TAF4: variants seen among roughly 807,000 people sequenced by gnomAD.
TAF4 encodes TATA-box binding protein associated factor 4.
TAF4 carries 9 observed loss-of-function variants against 90.3 expected under a neutral mutation model. That is an observed-to-expected ratio of 0.10 (90% confidence interval 0.06 to 0.17). The LOEUF is 0.17. Among genes scored for constraint, TAF4 ranks in the 10% least tolerant of loss-of-function variants. The pLI is 1.00. For synonymous variants in TAF4, 818 were observed against 638.9 expected (o/e 1.28, Z -4.23); for missense variants, 1,351 against 1,370.7 (o/e 0.99, Z 0.23).
At chr20:61,996,380 G>A (rs566337234) in intron 14 of TAF4, among the ~76,000 whole-genome samples, 5 of 151,136 alleles carry the variant, frequency 3.3e-5, no homozygotes, top group East Asian at 1.9e-4. Flanking sequence ...GAGACCCTGC[G>A]TCTAAAAAAA....
intron 4 of TAF4, among the ~76,000 whole-genome samples, chr20:62,009,745 C>A (rs576799797): frequency 2.6e-4 from 39 of 152,340 alleles, no homozygotes; most frequent in African/African-American, 8.7e-4. Context: ...CGAGTGTGTA[C>A]AAACGGGTGG....
intron 4 of TAF4, among the ~76,000 whole-genome samples, 175 bp downstream of exon 4, chr20:62,009,871 A>G (rs1298301951): frequency 6.6e-6 from 1 of 152,120 alleles, no homozygotes; most frequent in African/African-American, 2.4e-5. Context: ...CCCACCTCAC[A>G]CAGCACAGCA....
Position 62,065,172 on chromosome 20 carries a change from A to G in TAF4, c.639T>C (p.Pro213=). 4 of 1,207,228 alleles carry G rather than the reference A, an allele frequency of 3.3e-6. No homozygotes were observed. The highest frequency in any genetic ancestry group is 4.2e-6 in the Non-Finnish European group (4 of 949,190). 74.8% of individuals were successfully genotyped at this position (1,207,228 alleles called of 1,614,324 possible). A position where few individuals can be genotyped will look rare whatever the true frequency, so the allele number is the denominator to read the frequency against. The change falls in exon 1 of 15, where the codon CCT becomes CCC. Residue 213 remains proline, a synonymous_variant. Transcript: ENST00000252996. ...ALLNSHHAAA[P]AVSLVNNGPA... ...GCCCGTTGTTGACCAGGCTGACAGC[A>G]GGTGCGGCGGCGTGGTGCGAGTTCA...
intron 1 of TAF4, among the ~76,000 whole-genome samples, chr20:62,046,069 C>T (rs1479463134): frequency 6.6e-6 from 1 of 152,192 alleles, no homozygotes; most frequent in African/African-American, 2.4e-5. Context: ...CTCTGCGGTG[C>T]CCCCGTGCAG....
intron 1 of TAF4, 98 bp downstream of exon 1, chr20:62,064,353 C>T (rs2056108768): frequency 6.5e-6 from 8 of 1,240,020 alleles, no homozygotes; most frequent in South Asian, 5.5e-5. Context: ...GCCTACGGGA[C>T]AGATGACCTT....
chr20:62,023,908 TC>T (rs2055859777), intron 1 of TAF4, among the ~76,000 whole-genome samples: 1 of 151,574 alleles, frequency 6.6e-6, no homozygotes, highest in Non-Finnish European at 1.5e-5. Context: ...CATGGTGAAG[TC>T]CCATCTCTAC....
At chr20:62,040,036 G>A (rs1002980329) in intron 1 of TAF4, among the ~76,000 whole-genome samples, 1 of 152,170 alleles carries the variant, frequency 6.6e-6, no homozygotes, top group Non-Finnish European at 1.5e-5. Context: ...CTGCTGGTGA[G>A]ACACAATGCA....
At chr20:62,039,400 T>C (rs4925218) in intron 1 of TAF4, among the ~76,000 whole-genome samples, 151,329 of 152,348 alleles carry the variant, frequency 0.99, 75,165 homozygotes, top group East Asian at 1. Context: ...ACAGAAAAAA[T>C]GAGTCTCAAC....
Position 62,064,651 on chromosome 20 carries a change from G to A in TAF4, c.1160C>T (p.Ala387Val), listed in dbSNP as rs776282935. The A allele has an allele frequency of 3.0e-6, 4 of 1,316,574 alleles. No homozygotes were observed. The highest frequency in any genetic ancestry group is 3.8e-6 in the Non-Finnish European group (4 of 1,039,908). The allele number at this position is 1,316,574 out of a possible 1,614,324, so 81.6% of individuals were successfully genotyped here. A position where few individuals can be genotyped will look rare whatever the true frequency, so the allele number is the denominator to read the frequency against. ...PTMQGALPSP[A>V]AVPPPAPGTP... ...CCCGGGGGCGGGCGGCGGGACGGCG[G>A]CCGGGCTGGGCAGCGCCCCTTGCAT... The change falls in exon 1 of 15, where the codon GCC becomes GTC. Residue 387 changes from alanine to valine, a missense_variant. Around this residue, in one of 9 missense-constraint regions of TAF4, gnomAD observed 782 missense variants for 536.6 expected, o/e 1.46. Coordinates refer to ENST00000252996, the MANE Select transcript of TAF4 (RefSeq NM_003185.4).
Position 62,008,843 on chromosome 20 carries a change from C to T in TAF4, c.1884+209G>A, listed in dbSNP as rs999094360. On this transcript the variant is annotated intron_variant, in intron 5 of 14. Coordinates refer to ENST00000252996, the MANE Select transcript of TAF4 (RefSeq NM_003185.4). ...AGCCCGGGAGACCTCCAGGCGCCGG[C>T]CCCAGAACACCCAGCCCCAGGAAGG... The T allele has an allele frequency of 1.7e-5, 9 of 531,814 alleles. No homozygotes were observed. In the Admixed American group the frequency reaches 1.9e-4, roughly 11 times the overall value. 32.9% of individuals were successfully genotyped at this position (531,814 alleles called of 1,614,324 possible).
intron 1 of TAF4, among the ~76,000 whole-genome samples, chr20:62,043,650 G>A (rs2055976354): frequency 6.6e-6 from 1 of 152,064 alleles, no homozygotes; most frequent in African/African-American, 2.4e-5. Flanking sequence ...TAGTTTTACT[G>A]TACCTTTTCT....
intron 14 of TAF4, among the ~76,000 whole-genome samples, chr20:61,993,649 C>T (rs1016907819): frequency 6.6e-6 from 1 of 152,146 alleles, no homozygotes; most frequent in Non-Finnish European, 1.5e-5. Flanking sequence ...AAAGTCAGGG[C>T]AGCAGTTACT....
rs767911906 is a variant in TAF4 at position 62,003,283 on chromosome 20, C to T, written c.2372-9G>A. 1.2e-6 allele frequency: 2 copies of T among 1,608,466 alleles called. No homozygotes were observed. Among genetic ancestry groups the T allele is most frequent in the East Asian group, 2.2e-5 (1 of 44,844 alleles). ...GGGTTTCACCACAGGGACTACAAAACAAACACACAGTGGAAACCACACAAG... is the reference window on the plus strand; with the variant it reads ...GGGTTTCACCACAGGGACTACAAAATAAACACACAGTGGAAACCACACAAG... On this transcript the variant is annotated splice_polypyrimidine_tract_variant and intron_variant, in intron 8 of 14. Transcript: ENST00000252996.
intron 14 of TAF4, among the ~76,000 whole-genome samples, chr20:61,996,672 G>A (rs976384070): frequency 2.0e-5 from 3 of 151,078 alleles, no homozygotes; most frequent in South Asian, 2.1e-4. Flanking sequence ...GGTGGCACAC[G>A]TCTATAGTCC....
intron 14 of TAF4, among the ~76,000 whole-genome samples, chr20:61,996,795 C>CAAA (rs752885979): frequency 1.1e-4 from 9 of 79,182 alleles, no homozygotes; most frequent in African/African-American, 3.6e-4. Flanking sequence ...AAGACTGTCT[C>CAAA]AAAAAAAAAA....
Position 62,065,189 on chromosome 20 carries a change from G to A in TAF4, c.622C>T (p.His208Tyr), listed in dbSNP as rs778201617. ...LNGSAALLNS[H>Y]HAAAPAVSLV... ...CTGACAGCAGGTGCGGCGGCGTGGT[G>A]CGAGTTCAGCAGCGCGGCGCTCCCA... Residue 208 changes from histidine to tyrosine, a missense_variant, in exon 1 of 15, where the codon CAC (histidine) becomes TAC (tyrosine). Physicochemically the swap from His to Tyr is moderately conservative, Grantham distance 83. Transcript: ENST00000252996. The A allele has an allele frequency of 2.2e-5, 27 of 1,205,342 alleles. No individual in the cohort carries two copies. The highest frequency in any genetic ancestry group is 7.3e-4 in the Middle Eastern group (2 of 2,740). The allele number at this position is 1,205,342 out of a possible 1,614,324, so 74.7% of individuals were successfully genotyped here.
intron 1 of TAF4, among the ~76,000 whole-genome samples, chr20:62,021,114 A>G (rs1440560905): frequency 3.3e-5 from 5 of 151,726 alleles, no homozygotes; most frequent in African/African-American, 1.2e-4. Flanking sequence ...CACCTTCGAA[A>G]CCCCCCGGGA....
intron 14 of TAF4, 103 bp downstream of exon 14, chr20:61,997,447 A>G: frequency 7.6e-7 from 1 of 1,308,286 alleles, no homozygotes; most frequent in Non-Finnish European, 9.9e-7. Flanking sequence ...TGTAAATGGT[A>G]AGAAAGCAAA....
At chr20:62,034,946 G>A (rs963734255) in intron 1 of TAF4, among the ~76,000 whole-genome samples, 172 of 151,740 alleles carry the variant, frequency 1.1e-3, no homozygotes, top group African/African-American at 3.8e-3. Flanking sequence ...TCAGCCTCCC[G>A]AGTAGCTGGG....
Sources: gnomAD v4.1 joint callset for allele counts (sites outside exome capture counted in the v4.1 genomes callset) on GRCh38, gnomAD v4.1.1 for gene constraint, gnomAD v4.1.1 regional missense constraint, MANE v1.5 for transcripts, NCBI Gene and HGNC (gene_info 2026-07-23, HGNC 2026-07-21) for gene names.